AKAP7: variants seen among roughly 807,000 people sequenced by gnomAD.
The protein encoded by AKAP7 is A kinase (PRKA) anchor protein 7.
A neutral mutation model predicts 39.5 loss-of-function variants in AKAP7; 39 were observed. That is an observed-to-expected ratio of 0.99 (90% CI 0.76 to 1.29). The LOEUF is 1.29. Among genes scored for constraint, AKAP7 ranks in the 50% most tolerant of loss-of-function variants. AKAP7 has a pLI of 0.00. For missense variants in AKAP7, 414 were observed against 407.7 expected (o/e 1.02, Z -0.13); for synonymous variants, 140 against 139.1 (o/e 1.01, Z -0.05).
rs540740615 is a variant in AKAP7 at position 131,274,449 on chromosome 6, C to T, written c.851-7081C>T. Among the ~76,000 whole-genome samples the T allele has an allele frequency of 3.3e-5, 5 of 152,260 alleles. No individual in the cohort carries two copies. The South Asian group carries it at 1.0e-3, about 32-fold the overall frequency. On this transcript the variant is annotated intron_variant, in intron 7 of 7. Transcript: ENST00000431975. Reference sequence around the variant, plus strand: ...TTGTAATATGCACCTCACTTTCCTACTGCATCTACCATGGTTCATATCCTC... The same window carrying T: ...TTGTAATATGCACCTCACTTTCCTATTGCATCTACCATGGTTCATATCCTC...
At chr6:131,182,499 T>C (rs1805362551) in intron 5 of AKAP7, among the ~76,000 whole-genome samples, 1 of 152,248 alleles carries the variant, frequency 6.6e-6, no homozygotes, top group Non-Finnish European at 1.5e-5. Context: ...TTTAATGCTT[T>C]ATAATATTCC....
chr6:131,177,406 G>A lies in AKAP7; in HGVS notation c.589+8133G>A, dbSNP rs976386824. Among the ~76,000 whole-genome samples the A allele has an allele frequency of 2.0e-5, 3 of 152,156 alleles. No homozygotes were observed. The South Asian group carries it at 6.2e-4, about 32-fold the overall frequency. Reference sequence around the variant, plus strand: ...AAAAGTGAGTGGGTGCATGCAAAGAGATCACTTGCCGATAGAGGAAGCAAG... The same window carrying A: ...AAAAGTGAGTGGGTGCATGCAAAGAAATCACTTGCCGATAGAGGAAGCAAG... On this transcript the variant is annotated intron_variant, in intron 5 of 7. Coordinates refer to ENST00000431975, the MANE Select transcript of AKAP7 (RefSeq NM_016377.4).
At chr6:131,155,465 C>T (rs1802337234) in intron 2 of AKAP7, among the ~76,000 whole-genome samples, 1 of 152,198 alleles carries the variant, frequency 6.6e-6, no homozygotes, top group East Asian at 1.9e-4. Flanking sequence ...AGCCTTCCAT[C>T]TAATGGATCA....
intron 2 of AKAP7, among the ~76,000 whole-genome samples, chr6:131,152,335 A>G (rs554803015): frequency 6.6e-6 from 1 of 152,372 alleles, no homozygotes; most frequent in African/African-American, 2.4e-5. Flanking sequence ...AGATGATTAC[A>G]TAAATATTTT....
At chr6:131,168,551 A>C (rs1312226034) in intron 4 of AKAP7, among the ~76,000 whole-genome samples, 1 of 152,204 alleles carries the variant, frequency 6.6e-6, no homozygotes, top group Non-Finnish European at 1.5e-5. Flanking sequence ...GCTAAAGTAT[A>C]TATGGCAAAC....
At chr6:131,137,209 T>C (rs1051615802) in intron 1 of AKAP7, among the ~76,000 whole-genome samples, 29 of 152,058 alleles carry the variant, frequency 1.9e-4, no homozygotes, top group African/African-American at 6.5e-4. Flanking sequence ...GCAGTCCTTC[T>C]CTGAGTGCTG....
At position 131,282,108 on chromosome 6, in the gene AKAP7, C is replaced by G; in HGVS notation, c.*382C>G. 8 of 1,152,974 alleles carry G rather than the reference C, an allele frequency of 6.9e-6. No individual in the cohort carries two copies. Among genetic ancestry groups the G allele is most frequent in the South Asian group, 3.6e-5 (1 of 27,942 alleles). The allele number at this position is 1,152,974 out of a possible 1,614,324, so 71.4% of individuals were successfully genotyped here. A position where few individuals can be genotyped will look rare whatever the true frequency, so the allele number is the denominator to read the frequency against. On this transcript the variant is annotated 3_prime_UTR_variant, in exon 8 of 8. Transcript: ENST00000431975. Reference sequence around the variant, plus strand: ...GGGCATTTGACTACTTTATCTGAGGCCAGAACTCTCACACACAGCTATCAA... The same window carrying G: ...GGGCATTTGACTACTTTATCTGAGGGCAGAACTCTCACACACAGCTATCAA...
chr6:131,240,895 G>C (rs1206083625), intron 7 of AKAP7, among the ~76,000 whole-genome samples: 3 of 151,900 alleles, frequency 2.0e-5, no homozygotes, highest in African/African-American at 7.3e-5. Flanking sequence ...CTCACGCTCA[G>C]TGCCCTGCAC....
chr6:131,175,927 G>T (rs1804530195), intron 5 of AKAP7, among the ~76,000 whole-genome samples: 1 of 151,968 alleles, frequency 6.6e-6, no homozygotes, highest in African/African-American at 2.4e-5. Context: ...AAAATACACA[G>T]GTTTACATGT....
chr6:131,125,651 C>T, the AKAP7 span, among the ~76,000 whole-genome samples: 2 of 152,082 alleles, frequency 1.3e-5, no homozygotes, highest in Non-Finnish European at 1.5e-5. Context: ...CCTTCCAATA[C>T]AGCAAGTGGC....
intron 7 of AKAP7, among the ~76,000 whole-genome samples, chr6:131,241,627 G>GTGTGTGTGTGTGTGTGTGTATATA: frequency 2.3e-5 from 2 of 86,670 alleles, no homozygotes; most frequent in East Asian, 6.2e-4. Flanking sequence ...GTGTGTGTGT[G>GTGTGTGTGTGTGTGTGTGTATATA]TATATATATA....
intron 7 of AKAP7, among the ~76,000 whole-genome samples, chr6:131,276,855 A>G (rs377499199): frequency 6.6e-5 from 10 of 152,092 alleles, no homozygotes; most frequent in African/African-American, 2.4e-4. Flanking sequence ...GATACTGGCA[A>G]TGGGCAGGGT....
intron 1 of AKAP7, among the ~76,000 whole-genome samples, chr6:131,138,593 G>A (rs746466328): frequency 6.6e-6 from 1 of 152,188 alleles, no homozygotes; most frequent in Admixed American, 6.5e-5. Context: ...GATTGCCTCC[G>A]TTTACATTGC....
At chr6:131,190,989 G>A (rs1806352791) in intron 5 of AKAP7, among the ~76,000 whole-genome samples, 1 of 152,200 alleles carries the variant, frequency 6.6e-6, no homozygotes, top group South Asian at 2.1e-4. Context: ...CATACAGGGA[G>A]TGCTCAGTAG....
chr6:131,209,146 G>A (rs1468277246), intron 6 of AKAP7, among the ~76,000 whole-genome samples: 7 of 151,940 alleles, frequency 4.6e-5, no homozygotes, highest in Admixed American at 4.6e-4. Flanking sequence ...CTTAGGAAAT[G>A]CTGATTTGAT....
the AKAP7 span, among the ~76,000 whole-genome samples, chr6:131,129,693 CT>C: frequency 6.6e-6 from 1 of 152,178 alleles, no homozygotes; most frequent in Non-Finnish European, 1.5e-5. Context: ...AGGTGTAGTG[CT>C]TTCTTAAAAA....
upstream of AKAP7, among the ~76,000 whole-genome samples, chr6:131,134,074 C>T (rs376153595): frequency 3.3e-5 from 5 of 152,252 alleles, no homozygotes; most frequent in South Asian, 2.1e-4. Context: ...TGGGCTCCAG[C>T]GATCCTCCCA....
At chr6:131,235,171 C>T (rs1005507738) in intron 7 of AKAP7, among the ~76,000 whole-genome samples, 6 of 151,970 alleles carry the variant, frequency 3.9e-5, no homozygotes, top group Non-Finnish European at 8.8e-5. Context: ...GGTTTTTTGT[C>T]CTTGCGATAG....
rs751089433 is a variant in AKAP7 at position 131,169,126 on chromosome 6, C to T, written c.442C>T (p.Leu148Phe). The T allele has an allele frequency of 5.0e-6, 8 of 1,610,790 alleles. No individual in the cohort carries two copies. Among genetic ancestry groups the T allele is most frequent in the South Asian group, 3.3e-5 (3 of 90,902 alleles). Residue 148 changes from leucine to phenylalanine, a missense_variant, in exon 5 of 8, where the codon CTT becomes TTT. Leu to Phe is a conservative substitution (Grantham distance 22). Coordinates refer to ENST00000431975, the MANE Select transcript of AKAP7 (RefSeq NM_016377.4). ...ATTTCTTACTAGTGGTATTGATGCT[C>T]TTTTGGAATTGAAACCATTCATAGA... is the stretch of plus-strand genomic sequence containing the variant. ...EDEVNIGIDA[L>F]LELKPFIEEL... is the part of the protein sequence containing the mutation.
Sources: gnomAD v4.1 joint callset for allele counts (sites outside exome capture counted in the v4.1 genomes callset) on GRCh38, gnomAD v4.1.1 for gene constraint, MANE v1.5 for transcripts, NCBI Gene and HGNC (gene_info 2026-07-23, HGNC 2026-07-21) for gene names.